The following TAFA1 variants were observed in gnomAD, a reference collection of about 807,000 sequenced individuals.
TAFA1 encodes TAFA chemokine like family member 1.
TAFA1 carries 4 observed loss-of-function variants against 18.5 expected under a neutral mutation model. The ratio of observed to expected loss-of-function variants is 0.22; its 90% CI spans 0.11 to 0.49. The LOEUF (loss-of-function observed/expected upper bound fraction) is 0.49, where lower values mean the gene tolerates loss of function less well. Among genes scored for constraint, TAFA1 ranks in the 20% least tolerant of loss-of-function variants. TAFA1 has a pLI of 0.98. For missense variants in TAFA1, 147 were observed against 169.0 expected (o/e 0.87, Z 0.72); for synonymous variants, 56 against 55.2 (o/e 1.01, Z -0.06).
At chr3:68,225,985 T>C (rs2066795670) in intron 2 of TAFA1, among the ~76,000 whole-genome samples, 1 of 152,126 alleles carries the variant, frequency 6.6e-6, no homozygotes, top group African/African-American at 2.4e-5. Flanking sequence ...TGAGACATGA[T>C]GTTAAAGAGT....
At chr3:68,369,129 C>G (rs1030998719) in intron 2 of TAFA1, among the ~76,000 whole-genome samples, 1 of 152,056 alleles carries the variant, frequency 6.6e-6, no homozygotes, top group African/African-American at 2.4e-5. Flanking sequence ...CCTTTCATGC[C>G]TAGTTAGAAG....
At chr3:68,127,474 A>G (rs1358667465) in intron 2 of TAFA1, among the ~76,000 whole-genome samples, 3 of 151,804 alleles carry the variant, frequency 2.0e-5, no homozygotes, top group Non-Finnish European at 4.4e-5. Context: ...GTTGTATAAT[A>G]CATTGAGTAG....
At chr3:68,379,439 A>G (rs1048439984) in intron 2 of TAFA1, among the ~76,000 whole-genome samples, 3 of 152,208 alleles carry the variant, frequency 2.0e-5, no homozygotes, top group Admixed American at 2.0e-4. Flanking sequence ...CCCATTCTGT[A>G]GGTTGCCTGT....
Position 68,175,827 on chromosome 3 carries a change from G to A in TAFA1, c.118+169083G>A, listed in dbSNP as rs368397971. ...GAACATGAGATTTGGGAGGGGCCAGGGGTGGAATGATATGGCTTGGCTATG... is the reference window on the plus strand; with the variant it reads ...GAACATGAGATTTGGGAGGGGCCAGAGGTGGAATGATATGGCTTGGCTATG... On this transcript the variant is annotated intron_variant, in intron 2 of 4. Coordinates refer to ENST00000478136, the MANE Select transcript of TAFA1 (RefSeq NM_213609.4). Among the ~76,000 whole-genome samples the A allele has an allele frequency of 4.6e-5, 7 of 152,212 alleles. No individual in the cohort carries two copies. The East Asian group carries it at 1.2e-3, about 25-fold the overall frequency.
intron 2 of TAFA1, among the ~76,000 whole-genome samples, chr3:68,280,718 C>A (rs575319379): frequency 3.3e-5 from 5 of 151,812 alleles, no homozygotes; most frequent in Admixed American, 2.6e-4. Context: ...ATTTGGGTCA[C>A]GGGACTTCAG....
chr3:68,232,415 G>A (rs1267829808), intron 2 of TAFA1, among the ~76,000 whole-genome samples: 1 of 152,102 alleles, frequency 6.6e-6, no homozygotes, highest in Non-Finnish European at 1.5e-5. Context: ...TGTCTGAATG[G>A]TATTCCATTG....
intron 3 of TAFA1, among the ~76,000 whole-genome samples, chr3:68,519,651 T>A (rs1187695525): frequency 6.6e-6 from 1 of 152,210 alleles, no homozygotes; most frequent in Non-Finnish European, 1.5e-5. Context: ...TGAGACCAAG[T>A]TGCCAGCATG....
rs550407585 is a variant in TAFA1 at position 68,260,806 on chromosome 3, C to T, written c.119-156474C>T. The stretch of plus-strand genomic sequence containing the variant: ...AAAGACTTACATGTTAGACCTAAAA[C>T]CATAAAAATCCTAGAAGAAAACCTA... On this transcript the variant is annotated intron_variant, in intron 2 of 4. Coordinates refer to ENST00000478136, the MANE Select transcript of TAFA1 (RefSeq NM_213609.4). Among the ~76,000 whole-genome samples, 47 of 152,194 alleles carry T rather than the reference C, an allele frequency of 3.1e-4. 1 individual carries two copies. The highest frequency in any genetic ancestry group is 5.9e-4 in the Non-Finnish European group (40 of 68,020).
intron 2 of TAFA1, among the ~76,000 whole-genome samples, chr3:68,291,790 T>C (rs2068114568): frequency 6.6e-6 from 1 of 152,168 alleles, no homozygotes; most frequent in African/African-American, 2.4e-5. Context: ...CTAGACTGAA[T>C]ACTCCCTTCC....
chr3:68,033,343 A>G (rs1406710789), intron 2 of TAFA1, among the ~76,000 whole-genome samples: 1 of 152,150 alleles, frequency 6.6e-6, no homozygotes, highest in African/African-American at 2.4e-5. Context: ...CACCTGACAT[A>G]TCTGGAACAT....
intron 2 of TAFA1, among the ~76,000 whole-genome samples, chr3:68,263,446 T>TACACACAC (rs3033685): frequency 0.035 from 4,780 of 137,706 alleles, 121 homozygotes; most frequent in African/African-American, 0.05. Flanking sequence ...CACACACACA[T>TACACACAC]ACACACACAC....
intron 2 of TAFA1, among the ~76,000 whole-genome samples, chr3:68,072,546 G>C (rs1559726217): frequency 6.6e-6 from 1 of 152,154 alleles, no homozygotes; most frequent in East Asian, 1.9e-4. Context: ...GGAAGAGATA[G>C]AACAAGGATA....
At chr3:68,239,723 C>G (rs2066973128) in intron 2 of TAFA1, among the ~76,000 whole-genome samples, 1 of 152,186 alleles carries the variant, frequency 6.6e-6, no homozygotes, top group African/African-American at 2.4e-5. Context: ...GAGAAGGAAG[C>G]AGTCCATCTG....
chr3:68,261,662 A>G (rs917188007), intron 2 of TAFA1, among the ~76,000 whole-genome samples: 4 of 152,272 alleles, frequency 2.6e-5, no homozygotes, highest in African/African-American at 9.6e-5. Flanking sequence ...AAACTATCAC[A>G]AGGACAAAAA....
intron 3 of TAFA1, among the ~76,000 whole-genome samples, chr3:68,448,027 G>C (rs913644541): frequency 6.6e-6 from 1 of 152,188 alleles, no homozygotes; most frequent in Non-Finnish European, 1.5e-5. Context: ...TGGCAGAGCT[G>C]AGAAGTGAGC....
intron 2 of TAFA1, among the ~76,000 whole-genome samples, chr3:68,263,577 A>G (rs1457214848): frequency 1.3e-5 from 2 of 151,270 alleles, no homozygotes; most frequent in African/African-American, 4.9e-5. Context: ...TCATCCTATG[A>G]CCTCGCTTTA....
chr3:68,056,803 C>G (rs532407446), intron 2 of TAFA1, among the ~76,000 whole-genome samples: 2 of 152,140 alleles, frequency 1.3e-5, no homozygotes, highest in South Asian at 4.1e-4. Flanking sequence ...GATTGTAGTT[C>G]CAAGAAAAAA....
chr3:68,497,101 A>G (rs1179774175), intron 3 of TAFA1, among the ~76,000 whole-genome samples: 1 of 152,180 alleles, frequency 6.6e-6, no homozygotes, highest in African/African-American at 2.4e-5. Context: ...TGTATTAGAC[A>G]TGATTATAAT....
chr3:68,219,024 A>C (rs1019662983), intron 2 of TAFA1, among the ~76,000 whole-genome samples: 1 of 149,598 alleles, frequency 6.7e-6, no homozygotes, highest in East Asian at 2.0e-4. Context: ...TTTTGAAATT[A>C]TTTTAAACCA....
Sources: allele counts gnomAD v4.1 joint callset (sites outside exome capture counted in the v4.1 genomes callset), GRCh38; gene constraint gnomAD v4.1.1; transcripts MANE v1.5; gene names NCBI Gene and HGNC (gene_info 2026-07-23, HGNC 2026-07-21).